RARB: variants seen among roughly 807,000 people sequenced by gnomAD.
RARB encodes HBV-activated protein.
A neutral mutation model predicts 51.9 loss-of-function variants in RARB; 17 were observed. The observed-to-expected ratio is 0.33, with a 90% CI of 0.22 to 0.49. The LOEUF (loss-of-function observed/expected upper bound fraction) is 0.49, where lower values mean the gene tolerates loss of function less well. RARB is among the 20% of genes least tolerant of loss of function. The probability of loss-of-function intolerance (pLI) is 0.99; values close to 1 mark genes in which losing one functional copy is unlikely to be tolerated. For missense variants in RARB, 369 were observed against 550.8 expected, an observed-to-expected ratio of 0.67 and a Z score of 3.30; for synonymous variants, 215 against 195.4, an observed-to-expected ratio of 1.10 and a Z score of -0.84.
intron 2 of RARB, among the ~76,000 whole-genome samples, chr3:24,965,370 G>A (rs1219681859): frequency 6.6e-6 from 1 of 152,122 alleles, no homozygotes; most frequent in African/African-American, 2.4e-5. Context: ...AGGTCATTTC[G>A]AGGAAGGCTG....
At chr3:24,839,276 T>C (rs1443490110) in intron 1 of RARB, among the ~76,000 whole-genome samples, 1 of 152,182 alleles carries the variant, frequency 6.6e-6, no homozygotes, top group Non-Finnish European at 1.5e-5. Flanking sequence ...GCTGCAGTGC[T>C]GTTCTTGAGT....
chr3:24,913,175 G>C (rs905253276), intron 2 of RARB, among the ~76,000 whole-genome samples: 10 of 151,434 alleles, frequency 6.6e-5, no homozygotes, highest in African/African-American at 2.2e-4. Context: ...TAGTAGAGAC[G>C]GGGTTTCACT....
chr3:25,208,592 C>G (rs944716358), intron 5 of RARB, among the ~76,000 whole-genome samples: 1 of 152,188 alleles, frequency 6.6e-6, no homozygotes, highest in Admixed American at 6.5e-5. Context: ...TTCCCTTCCG[C>G]TCTCTTTGTC....
At chr3:25,265,626 C>T (rs1363800251) in intron 5 of RARB, among the ~76,000 whole-genome samples, 1 of 152,112 alleles carries the variant, frequency 6.6e-6, no homozygotes, top group Admixed American at 6.5e-5. Flanking sequence ...GCATGCACCC[C>T]CATGCCTGTC....
At chr3:24,899,825 C>T (rs1703561420) in intron 2 of RARB, among the ~76,000 whole-genome samples, 1 of 152,104 alleles carries the variant, frequency 6.6e-6, no homozygotes, top group South Asian at 2.1e-4. Flanking sequence ...TGCTTTGTAC[C>T]AACATCACCT....
At chr3:25,537,061 A>C (rs1881703) in intron 3 of RARB, among the ~76,000 whole-genome samples, 93,936 of 152,092 alleles carry the variant, frequency 0.62, 30,987 homozygotes, top group African/African-American at 0.86. Context: ...GGGCCTCTCT[A>C]TACAGGTTGC....
chr3:25,463,629 C>T (rs941092655), intron 2 of RARB, among the ~76,000 whole-genome samples: 3 of 151,214 alleles, frequency 2.0e-5, no homozygotes, highest in Admixed American at 6.6e-5. Flanking sequence ...CGCCACTGGA[C>T]TCCAGCCTGA....
intron 2 of RARB, among the ~76,000 whole-genome samples, chr3:24,869,423 AAC>A (rs1702905468): frequency 6.6e-6 from 1 of 152,170 alleles, no homozygotes; most frequent in Non-Finnish European, 1.5e-5. Context: ...AGAAAATTAA[AAC>A]ACTTATTTTC....
chr3:25,359,213 G>C (rs1233074476), intron 5 of RARB, among the ~76,000 whole-genome samples: 1 of 152,034 alleles, frequency 6.6e-6, no homozygotes, highest in Non-Finnish European at 1.5e-5. Flanking sequence ...TCTTTGGAGG[G>C]TGTATGTGTC....
intron 2 of RARB, among the ~76,000 whole-genome samples, chr3:24,967,050 T>C (rs939365128): frequency 3.9e-5 from 6 of 152,182 alleles, no homozygotes; most frequent in Admixed American, 2.0e-4. Context: ...TTTTATTTAC[T>C]GATTTGAATT....
intron 2 of RARB, among the ~76,000 whole-genome samples, chr3:25,018,174 G>C (rs1697555752): frequency 6.6e-6 from 1 of 152,214 alleles, no homozygotes; most frequent in African/African-American, 2.4e-5. Context: ...TTAACTGGAT[G>C]AATGGCATAA....
chr3:25,110,896 T>C (rs1402959473), intron 3 of RARB, among the ~76,000 whole-genome samples: 1 of 152,200 alleles, frequency 6.6e-6, no homozygotes, highest in Non-Finnish European at 1.5e-5. Context: ...GAAAGACACA[T>C]AAAGCCCCCA....
intron 5 of RARB, among the ~76,000 whole-genome samples, chr3:25,296,323 C>T (rs1703913538): frequency 6.6e-6 from 1 of 152,098 alleles, no homozygotes; most frequent in Admixed American, 6.6e-5. Context: ...TAGGGTTTTG[C>T]TGGAAGTTCC....
At chr3:24,960,510 A>G (rs574349651) in intron 2 of RARB, among the ~76,000 whole-genome samples, 1 of 152,328 alleles carries the variant, frequency 6.6e-6, no homozygotes, top group Admixed American at 6.5e-5. Context: ...AGATCTTTGT[A>G]TGCATACTTG....
At chr3:25,014,721 G>C (rs1697471345) in intron 2 of RARB, among the ~76,000 whole-genome samples, 2 of 152,042 alleles carry the variant, frequency 1.3e-5, no homozygotes, top group Admixed American at 1.3e-4. Context: ...GACTGGCATA[G>C]TCTTGTAACT....
chr3:24,952,884 G>T (rs186794197), intron 2 of RARB, among the ~76,000 whole-genome samples: 4,856 of 122,736 alleles, frequency 0.04, 163 homozygotes, highest in East Asian at 0.2. Flanking sequence ...TATTTTTTTT[G>T]TTTGTTTGTT....
intron 3 of RARB, among the ~76,000 whole-genome samples, chr3:25,101,772 A>G (rs1575160877): frequency 6.6e-6 from 1 of 151,468 alleles, no homozygotes; most frequent in South Asian, 2.1e-4. Flanking sequence ...GCTATTTGTA[A>G]TTTTCTTTGA....
At chr3:25,586,327 T>A (rs1326051843) in intron 5 of RARB, among the ~76,000 whole-genome samples, 33 of 152,062 alleles carry the variant, frequency 2.2e-4, no homozygotes, top group Admixed American at 2.2e-3. Flanking sequence ...TAATGACAGG[T>A]GCATTTCCCA....
intron 3 of RARB, among the ~76,000 whole-genome samples, chr3:25,542,943 A>G (rs1699446087): frequency 1.3e-5 from 2 of 152,230 alleles, no homozygotes; most frequent in Admixed American, 1.3e-4. Flanking sequence ...TGGTAATCTG[A>G]TTCCCAAGCC....
Sources: gnomAD v4.1 joint callset for allele counts (sites outside exome capture counted in the v4.1 genomes callset) on GRCh38, gnomAD v4.1.1 for gene constraint, MANE v1.5 for transcripts, NCBI Gene and HGNC (gene_info 2026-07-23, HGNC 2026-07-21) for gene names.